RPS6KC1: variants seen among roughly 807,000 people sequenced by gnomAD.
RPS6KC1 encodes inactive ribosomal protein S6 kinase delta-1.
A neutral mutation model predicts 103.8 loss-of-function variants in RPS6KC1; 54 were observed. That is an observed-to-expected ratio of 0.52 (90% CI 0.42 to 0.65). RPS6KC1 has a LOEUF of 0.65. Among genes scored for constraint, RPS6KC1 ranks in the 30% least tolerant of loss-of-function variants. The pLI, the probability that RPS6KC1 is intolerant of heterozygous loss-of-function variation, is 0.00. For missense variants in RPS6KC1, 1,151 were observed against 1,253.8 expected, an observed-to-expected ratio of 0.92 and a Z score of 1.24; for synonymous variants, 439 against 438.7, an observed-to-expected ratio of 1.00 and a Z score of -0.01.
the RPS6KC1 span, among the ~76,000 whole-genome samples, chr1:213,549,072 T>C: frequency 6.6e-6 from 1 of 152,188 alleles, no homozygotes; most frequent in Non-Finnish European, 1.5e-5. Flanking sequence ...GGTGGCTCCA[T>C]TTCCCCCAGT....
intron 1 of RPS6KC1, among the ~76,000 whole-genome samples, chr1:213,070,651 CTGTT>C (rs1247468048): frequency 1.3e-5 from 2 of 152,186 alleles, no homozygotes; most frequent in African/African-American, 2.4e-5. Context: ...TATTTGAACA[CTGTT>C]TGAACAGTTG....
intron 10 of RPS6KC1, among the ~76,000 whole-genome samples, chr1:213,234,667 G>A (rs368625220): frequency 5.9e-5 from 9 of 152,210 alleles, no homozygotes; most frequent in African/African-American, 2.2e-4. Flanking sequence ...AAGTAGGCAG[G>A]AGCCTTGTAC....
chr1:213,766,081 G>A, the RPS6KC1 span, among the ~76,000 whole-genome samples: 471 of 152,286 alleles, frequency 3.1e-3, 3 homozygotes, highest in African/African-American at 0.011. Context: ...CATAATGTTA[G>A]CAAGTAGACA....
At chr1:213,405,922 C>G in the RPS6KC1 span, among the ~76,000 whole-genome samples, 5 of 152,154 alleles carry the variant, frequency 3.3e-5, no homozygotes, top group African/African-American at 1.2e-4. Context: ...GGCGGTGAAG[C>G]CTCCTCCGAC....
At chr1:213,852,134 T>A in the RPS6KC1 span, among the ~76,000 whole-genome samples, 1 of 151,872 alleles carries the variant, frequency 6.6e-6, no homozygotes, top group South Asian at 2.1e-4. Flanking sequence ...AACGGAGACC[T>A]TCTTTAAAAA....
At chr1:213,436,742 C>T in the RPS6KC1 span, among the ~76,000 whole-genome samples, 1 of 152,112 alleles carries the variant, frequency 6.6e-6, no homozygotes, top group Non-Finnish European at 1.5e-5. Context: ...AACAGATTTA[C>T]TCCTAGGTAT....
At chr1:213,555,593 T>C in the RPS6KC1 span, among the ~76,000 whole-genome samples, 6 of 152,202 alleles carry the variant, frequency 3.9e-5, no homozygotes, top group African/African-American at 1.4e-4. Context: ...CTATTTCTTA[T>C]TAATGTTTAT....
the RPS6KC1 span, among the ~76,000 whole-genome samples, chr1:213,328,899 A>G: frequency 6.6e-6 from 1 of 152,110 alleles, no homozygotes; most frequent in Non-Finnish European, 1.5e-5. Context: ...AGAGGGTCAC[A>G]CAGAAAAACA....
chr1:213,115,331 T>G (rs983117187), intron 4 of RPS6KC1, among the ~76,000 whole-genome samples: 1 of 152,186 alleles, frequency 6.6e-6, no homozygotes, highest in Non-Finnish European at 1.5e-5. Context: ...ATTTTCTAGT[T>G]TATTTGCATA....
chr1:213,510,611 G>A, the RPS6KC1 span, among the ~76,000 whole-genome samples: 1,032 of 152,254 alleles, frequency 6.8e-3, 8 homozygotes, highest in Middle Eastern at 0.017. Flanking sequence ...CTTTAATGGG[G>A]TTTAGTGGCT....
the RPS6KC1 span, among the ~76,000 whole-genome samples, chr1:213,735,203 G>T: frequency 6.6e-6 from 1 of 152,322 alleles, no homozygotes; most frequent in East Asian, 1.9e-4. Flanking sequence ...TTTTCCAGGA[G>T]AATGCTTCCC....
the RPS6KC1 span, among the ~76,000 whole-genome samples, chr1:213,675,523 T>C: frequency 1.3e-5 from 2 of 152,220 alleles, no homozygotes; most frequent in Non-Finnish European, 2.9e-5. Flanking sequence ...TTGCTTATTT[T>C]TGTTGGTCTT....
chr1:213,672,756 C>T, the RPS6KC1 span, among the ~76,000 whole-genome samples: 2,267 of 152,264 alleles, frequency 0.015, 21 homozygotes, highest in Middle Eastern at 0.041. Flanking sequence ...TTCACACTTG[C>T]ATAACCAACA....
At chr1:213,381,878 G>C in the RPS6KC1 span, among the ~76,000 whole-genome samples, 1 of 152,168 alleles carries the variant, frequency 6.6e-6, no homozygotes, top group Non-Finnish European at 1.5e-5. Flanking sequence ...GACTTGCAGC[G>C]AGCTGAGCTG....
the RPS6KC1 span, among the ~76,000 whole-genome samples, chr1:213,583,820 CAAA>C: frequency 0.14 from 10,678 of 76,378 alleles, 536 homozygotes; most frequent in Non-Finnish European, 0.18. Flanking sequence ...GATTCTGTCT[CAAA>C]AAAAAAAAAA....
chr1:213,242,096 TTAGTGC>T lies in RPS6KC1; in HGVS notation c.2624_2629del (p.Val875_Leu876del), dbSNP rs780384235. ...CTCTGAGACTAAGGGTGAAAGTGGT[TTAGTGC>T]TAGAAGGAGACAAGGAAATACATCA... On this transcript the variant is annotated inframe_deletion, in exon 11 of 15. Transcript: ENST00000366960. 6.2e-7 allele frequency: 1 copy of T among 1,613,958 alleles called. No homozygotes were observed. The highest frequency in any genetic ancestry group is 2.2e-5 in the East Asian group (1 of 44,870).
the RPS6KC1 span, among the ~76,000 whole-genome samples, chr1:213,646,417 G>A: frequency 6.6e-6 from 1 of 152,212 alleles, no homozygotes; most frequent in Non-Finnish European, 1.5e-5. Flanking sequence ...TGGCCAATGA[G>A]AAGTATCTTG....
chr1:213,193,072 G>GTT (rs748162824), intron 8 of RPS6KC1, among the ~76,000 whole-genome samples: 31 of 139,886 alleles, frequency 2.2e-4, no homozygotes, highest in African/African-American at 6.3e-4. Context: ...TATTATTCCA[G>GTT]TTTTTTTTTT....
At chr1:213,109,841 T>G (rs929038022) in intron 4 of RPS6KC1, among the ~76,000 whole-genome samples, 1 of 152,048 alleles carries the variant, frequency 6.6e-6, no homozygotes. Context: ...GTTTTTTTTT[T>G]TTTATTGGAG....
Sources: gnomAD v4.1 joint callset for allele counts (sites outside exome capture counted in the v4.1 genomes callset) on GRCh38, gnomAD v4.1.1 for gene constraint, MANE v1.5 for transcripts, NCBI Gene and HGNC (gene_info 2026-07-23, HGNC 2026-07-21) for gene names.